Variants in VEPH1 observed in about 807,000 individuals in gnomAD.
The protein encoded by VEPH1 is ventricular zone-expressed PH domain-containing protein homolog 1.
A neutral mutation model predicts 85.2 loss-of-function variants in VEPH1; 80 were observed. The observed-to-expected ratio is 0.94, with a 90% CI of 0.78 to 1.13. VEPH1 has a LOEUF of 1.13. VEPH1 is among the 50% of genes most tolerant of loss of function. The pLI is 0.00. For synonymous variants in VEPH1, 297 were observed against 348.0 expected, an observed-to-expected ratio of 0.85 and a Z score of 1.63; for missense variants, 955 against 980.5, an observed-to-expected ratio of 0.97 and a Z score of 0.35.
chr3:157,361,488 A>G (rs1726043481), intron 9 of VEPH1, among the ~76,000 whole-genome samples: 1 of 152,210 alleles, frequency 6.6e-6, no homozygotes, highest in African/African-American at 2.4e-5. Flanking sequence ...GGGCAGATGA[A>G]TATGAATTGG....
chr3:157,262,582 AAG>A (rs1266266226), intron 13 of VEPH1, among the ~76,000 whole-genome samples: 1 of 152,168 alleles, frequency 6.6e-6, no homozygotes, highest in African/African-American at 2.4e-5. Flanking sequence ...CTATTTAAAA[AAG>A]AGTTAATTTA....
rs993064814 is a variant in VEPH1 at position 157,465,555 on chromosome 3, G to C, written c.354+4759C>G. Among the ~76,000 whole-genome samples the C allele has an allele frequency of 9.2e-5, 14 of 152,228 alleles. 1 individual carries two copies. Among genetic ancestry groups the C allele is most frequent in the African/African-American group, 1.2e-4 (5 of 41,462 alleles). ...TTCCCAAGACCACACTACAGGTACA[G>C]AGCAGAGCTGGGATTGCCTACTGAA... On this transcript the variant is annotated intron_variant, in intron 3 of 13. Transcript: ENST00000362010.
At chr3:157,388,763 T>A (rs76659325) in intron 6 of VEPH1, among the ~76,000 whole-genome samples, 4 of 152,142 alleles carry the variant, frequency 2.6e-5, no homozygotes, top group African/African-American at 9.7e-5. Flanking sequence ...TAACAACTAT[T>A]TACATAGCAT....
intron 1 of VEPH1, among the ~76,000 whole-genome samples, chr3:157,500,525 G>A (rs1007259771): frequency 2.5e-4 from 38 of 152,096 alleles, no homozygotes; most frequent in African/African-American, 8.9e-4. Flanking sequence ...ATCCACATTT[G>A]GAGAACTATC....
At chr3:157,421,937 C>A (rs943299073) in intron 5 of VEPH1, among the ~76,000 whole-genome samples, 2 of 152,140 alleles carry the variant, frequency 1.3e-5, no homozygotes, top group African/African-American at 4.8e-5. Context: ...ACTCAGCACC[C>A]ACAATACCTA....
At chr3:157,373,683 T>C (rs2108824361) in intron 7 of VEPH1, among the ~76,000 whole-genome samples, 1 of 152,246 alleles carries the variant, frequency 6.6e-6, no homozygotes, top group Admixed American at 6.5e-5. Context: ...CAAACACCCT[T>C]TTTCCTCATT....
chr3:157,475,550 G>A (rs1034330226), intron 2 of VEPH1, among the ~76,000 whole-genome samples: 1 of 152,106 alleles, frequency 6.6e-6, no homozygotes, highest in Admixed American at 6.5e-5. Context: ...CATGAAAAAA[G>A]CCAGAGTGCA....
At chr3:157,367,959 T>C (rs923241335) in intron 7 of VEPH1, among the ~76,000 whole-genome samples, 2 of 152,268 alleles carry the variant, frequency 1.3e-5, no homozygotes, top group African/African-American at 4.8e-5. Flanking sequence ...TCATAGATTA[T>C]AGAAAATGTC....
At position 157,285,714 on chromosome 3, in the gene VEPH1, A is replaced by T. The variant is rs139131939; in HGVS notation, c.2128+843T>A. Among the ~76,000 whole-genome samples the T allele has an allele frequency of 2.4e-4, 36 of 152,296 alleles. No homozygotes were observed. The East Asian group carries it at 6.6e-3, about 28-fold the overall frequency. On this transcript the variant is annotated intron_variant, in intron 12 of 13. Coordinates refer to ENST00000362010, the MANE Select transcript of VEPH1 (RefSeq NM_001167912.2). ...TTCCAATGACAGCATAACTTTTTGG[A>T]TATAGGCTTATTAGCAACGTGTTTC...
At chr3:157,428,196 G>T (rs188937670) in intron 5 of VEPH1, 126 bp downstream of exon 5, 30 of 957,656 alleles carry the variant, frequency 3.1e-5, no homozygotes, top group Non-Finnish European at 4.2e-5. Flanking sequence ...GTAGATGAGC[G>T]CTTTCACTTA....
intron 2 of VEPH1, among the ~76,000 whole-genome samples, chr3:157,484,150 T>C (rs940398714): frequency 6.6e-6 from 1 of 152,132 alleles, no homozygotes; most frequent in Non-Finnish European, 1.5e-5. Flanking sequence ...ATAACAGCAA[T>C]AATAGAAACT....
At chr3:157,336,772 T>G (rs1559969642) in intron 9 of VEPH1, among the ~76,000 whole-genome samples, 1 of 152,206 alleles carries the variant, frequency 6.6e-6, no homozygotes, top group Non-Finnish European at 1.5e-5. Flanking sequence ...ATGGGCAAAG[T>G]CTGACTCACT....
At chr3:157,465,340 G>T (rs975206008) in intron 3 of VEPH1, among the ~76,000 whole-genome samples, 23 of 152,282 alleles carry the variant, frequency 1.5e-4, no homozygotes, top group Non-Finnish European at 3.1e-4. Flanking sequence ...TCAATAGCTT[G>T]TTAGAAAGCA....
At chr3:157,466,647 C>G (rs1371329356) in intron 3 of VEPH1, among the ~76,000 whole-genome samples, 8 of 152,156 alleles carry the variant, frequency 5.3e-5, no homozygotes, top group African/African-American at 1.9e-4. Flanking sequence ...AATACTTTGC[C>G]AATCTCTCAT....
chr3:157,305,140 C>T (rs1401793192), intron 11 of VEPH1, among the ~76,000 whole-genome samples: 2 of 114,322 alleles, frequency 1.7e-5, no homozygotes, highest in Non-Finnish European at 3.3e-5. Context: ...GACGGAGTCT[C>T]GCTCTGTCGC....
chr3:157,406,227 C>T (rs1395776059), intron 6 of VEPH1, among the ~76,000 whole-genome samples: 2 of 152,132 alleles, frequency 1.3e-5, no homozygotes, highest in East Asian at 3.8e-4. Context: ...TTGAACCTAC[C>T]AATGTTTTAA....
chr3:157,352,643 C>A (rs1412061820), intron 9 of VEPH1, among the ~76,000 whole-genome samples: 1 of 152,188 alleles, frequency 6.6e-6, no homozygotes, highest in Non-Finnish European at 1.5e-5. Flanking sequence ...TTGTTTTTTA[C>A]TTTACATTGG....
At chr3:157,356,935 T>C (rs1725508584) in intron 9 of VEPH1, among the ~76,000 whole-genome samples, 2 of 152,278 alleles carry the variant, frequency 1.3e-5, no homozygotes, top group Middle Eastern at 3.4e-3. Context: ...CAATAATGGA[T>C]GACTGATAAT....
At position 157,477,815 on chromosome 3, in the gene VEPH1, C is replaced by T. The variant is rs541987553; in HGVS notation, c.139-7286G>A. Reference sequence around the variant, plus strand: ...AACCTGACAGCAACAGAAGCTAATGCTGGGCCCGAAGAATGGCACCATCCC... The same window carrying T: ...AACCTGACAGCAACAGAAGCTAATGTTGGGCCCGAAGAATGGCACCATCCC... On this transcript the variant is annotated intron_variant, in intron 2 of 13. Transcript: ENST00000362010. Among the ~76,000 whole-genome samples the T allele has an allele frequency of 7.4e-4, 113 of 152,242 alleles. 1 individual carries two copies. Among genetic ancestry groups the T allele is most frequent in the Admixed American group, 1.3e-3 (20 of 15,272 alleles).
Sources: allele counts gnomAD v4.1 joint callset (sites outside exome capture counted in the v4.1 genomes callset), GRCh38; gene constraint gnomAD v4.1.1; transcripts MANE v1.5; gene names NCBI Gene and HGNC (gene_info 2026-07-23, HGNC 2026-07-21).